The following EFHB variants were observed in gnomAD, a reference collection of about 807,000 sequenced individuals.
EFHB encodes EF-hand domain family member B.
EFHB carries 91 observed loss-of-function variants against 87.2 expected under a neutral mutation model. The ratio of observed to expected loss-of-function variants is 1.04; its 90% CI spans 0.88 to 1.24. The LOEUF (loss-of-function observed/expected upper bound fraction) is 1.24, where lower values mean the gene tolerates loss of function less well. Among genes scored for constraint, EFHB ranks in the 50% most tolerant of loss-of-function variants. EFHB has a pLI of 0.00. For synonymous variants in EFHB, 325 were observed against 333.6 expected (o/e 0.97, Z 0.28); for missense variants, 1,084 against 998.8 (o/e 1.09, Z -1.15).
At chr3:19,886,772 A>C (rs1694118463) in intron 10 of EFHB, among the ~76,000 whole-genome samples, 1 of 152,114 alleles carries the variant, frequency 6.6e-6, no homozygotes, top group Non-Finnish European at 1.5e-5. Context: ...GTTTGAAATA[A>C]CACTCAATGG....
chr3:19,900,956 T>C (rs80215170), intron 6 of EFHB, among the ~76,000 whole-genome samples: 2,580 of 151,628 alleles, frequency 0.017, 59 homozygotes, highest in African/African-American at 0.056. Flanking sequence ...AAAAGTTATA[T>C]GTATAAAAAA....
chr3:19,918,340 A>G lies in EFHB; in HGVS notation c.1069T>C (p.Tyr357His). Residue 357 changes from tyrosine (Y) to histidine (H), a missense_variant, in exon 4 of 13, where the codon TAT becomes CAT. Transcript: ENST00000295824. ...AATGGTGCTCGTCGATTGCTAAGAT[A>G]TATAGATTCTTTTTTATCTTTAATT... ...QKIKDKKESI[Y>H]LSNRRAPLGK... The G allele has an allele frequency of 6.2e-7, 1 of 1,612,476 alleles. No homozygotes were observed.
chr3:19,888,994 A>G (rs1386310), intron 9 of EFHB, among the ~76,000 whole-genome samples: 65,396 of 152,170 alleles, frequency 0.43, 15,445 homozygotes, highest in African/African-American at 0.63. Context: ...AGATAGTTGC[A>G]GGACAAGTTC....
chr3:19,928,684 A>G (rs1242856182), intron 1 of EFHB, among the ~76,000 whole-genome samples: 1 of 152,202 alleles, frequency 6.6e-6, no homozygotes, highest in Admixed American at 6.5e-5. Flanking sequence ...ACCTCAGGTG[A>G]TCTGTCTGCC....
At position 19,933,690 on chromosome 3, in the gene EFHB, C is replaced by T; in HGVS notation, c.329G>A (p.Gly110Glu). The change falls in exon 1 of 13, where the codon GGG becomes GAG. Residue 110 changes from glycine (G) to glutamate (E), a missense_variant. Coordinates refer to ENST00000295824, the MANE Select transcript of EFHB (RefSeq NM_144715.4). Reference sequence around the variant, plus strand: ...TGCAAGAAGACTCTCATTTTCTAACCCCATTCTTCCTGGCAACAGAGAAGG... The same window carrying T: ...TGCAAGAAGACTCTCATTTTCTAACTCCATTCTTCCTGGCAACAGAGAAGG... Reference protein sequence around the residue: ...TKPSLLPGRMGLENESLLAGY... With the variant: ...TKPSLLPGRMELENESLLAGY... The T allele has an allele frequency of 6.2e-7, 1 of 1,613,988 alleles. No individual in the cohort carries two copies. Among genetic ancestry groups the T allele is most frequent in the Non-Finnish European group, 8.5e-7 (1 of 1,179,898 alleles).
At chr3:19,940,957 A>G (rs1696144294) in intron 1 of EFHB, 1 of 322,566 alleles carries the variant, frequency 3.1e-6, no homozygotes, top group Non-Finnish European at 6.2e-6. Flanking sequence ...AGTCATGACT[A>G]CACCATCGGT....
upstream of EFHB, among the ~76,000 whole-genome samples, chr3:19,938,365 T>C (rs1696070910): frequency 6.6e-6 from 1 of 152,234 alleles, no homozygotes; most frequent in South Asian, 2.1e-4. Flanking sequence ...GGTTCACATA[T>C]TGAACTCTAG....
intron 1 of EFHB, chr3:19,942,561 G>A (rs191851687): frequency 6.6e-6 from 1 of 152,300 alleles, no homozygotes; most frequent in African/African-American, 2.4e-5. Context: ...TACATTTATT[G>A]TGCACTTTAT....
At chr3:19,905,430 C>G (rs1412626259) in intron 6 of EFHB, among the ~76,000 whole-genome samples, 190 bp downstream of exon 6, 1 of 151,688 alleles carries the variant, frequency 6.6e-6, no homozygotes, top group African/African-American at 2.4e-5. Flanking sequence ...TCATTTTTAC[C>G]TCTGTAGGAA....
At position 19,879,787 on chromosome 3, in the gene EFHB, A is replaced by T; in HGVS notation, c.2346T>A (p.Cys782Ter). The T allele has an allele frequency of 6.3e-7, 1 of 1,599,028 alleles. No homozygotes were observed. The highest frequency in any genetic ancestry group is 8.5e-7 in the Non-Finnish European group (1 of 1,175,276). The change falls in exon 13 of 13, where the codon TGT becomes TGA. Residue 782 changes from cysteine to a stop codon, truncating the protein, a stop_gained. Transcript: ENST00000295824. LOFTEE classifies it high-confidence loss of function. ...CATCAGACAGTTTGACACCAATGTT[A>T]CACAATATCTCTGCAATCTAGAAAA... ...RSKEEIAEIL[C>*]NIGVKLSDEE...
In EFHB at chr3:19,919,902, G is replaced by A. The variant is rs192099278; in HGVS notation, c.927C>T (p.Tyr309=). The change falls in exon 3 of 13, where the codon TAC becomes TAT. Residue 309 remains tyrosine, a synonymous_variant. Coordinates refer to ENST00000295824, the MANE Select transcript of EFHB (RefSeq NM_144715.4). ...YPPAGVERVF[Y]GRANDPQIAP... is the part of the protein sequence containing the mutation. ...CAATCTGGGGATCATTTGCTCTTCC[G>A]TAAAATACTCTTTCTACTCCAGCAG... 5.6e-6 allele frequency: 9 copies of A among 1,613,670 alleles called. No individual in the cohort carries two copies. The highest frequency in any genetic ancestry group is 3.3e-5 in the Admixed American group (2 of 60,016).
Position 19,916,434 on chromosome 3 carries a change from G to A in EFHB, c.1178-1021C>T, listed in dbSNP as rs185296656. ...GGGGGCTGAGGCAGGAGAATCGCTT[G>A]AACCTGGGAGGCAGAGGTTGCAGGG... On this transcript the variant is annotated intron_variant, in intron 4 of 12. Coordinates refer to ENST00000295824, the MANE Select transcript of EFHB (RefSeq NM_144715.4). Among the ~76,000 whole-genome samples, 61 of 152,122 alleles carry A rather than the reference G, an allele frequency of 4.0e-4. 1 individual carries two copies. In the East Asian group the frequency reaches 8.7e-3, roughly 22 times the overall value.
At chr3:19,907,727 TAAG>T (rs1454049298) in intron 5 of EFHB, among the ~76,000 whole-genome samples, 6 of 152,102 alleles carry the variant, frequency 3.9e-5, no homozygotes, top group African/African-American at 1.4e-4. Context: ...TATTTCGAGA[TAAG>T]AAAGTAGGAC....
At chr3:19,903,565 A>G (rs1456265550) in intron 6 of EFHB, among the ~76,000 whole-genome samples, 2 of 152,030 alleles carry the variant, frequency 1.3e-5, no homozygotes, top group African/African-American at 4.8e-5. Context: ...AACCATTTTA[A>G]TAATAATAAT....
At position 19,903,236 on chromosome 3, in the gene EFHB, C is replaced by T. The variant is rs1694731482; in HGVS notation, c.1418+2384G>A. On this transcript the variant is annotated intron_variant, in intron 6 of 12. Transcript: ENST00000295824. ...AAAACACTGTTCCATAAACAGTGTC[C>T]TCTTGGGAGTAGAGACAAGTTGGAG... Among the ~76,000 whole-genome samples the T allele has an allele frequency of 2.0e-5, 3 of 151,862 alleles. No individual in the cohort carries two copies. The South Asian group carries it at 6.2e-4, about 32-fold the overall frequency.
chr3:19,893,175 T>C (rs1694360357), intron 9 of EFHB, among the ~76,000 whole-genome samples: 1 of 152,100 alleles, frequency 6.6e-6, no homozygotes, highest in Non-Finnish European at 1.5e-5. Context: ...GGTCTCGAAC[T>C]CATGACCTCA....
At chr3:19,900,231 T>C (rs1694626494) in intron 6 of EFHB, among the ~76,000 whole-genome samples, 1 of 151,972 alleles carries the variant, frequency 6.6e-6, no homozygotes, top group Non-Finnish European at 1.5e-5. Flanking sequence ...CTGGGTAACA[T>C]AGTGAGATCC....
chr3:19,908,910 T>C (rs1419717881), intron 5 of EFHB, among the ~76,000 whole-genome samples: 2 of 152,060 alleles, frequency 1.3e-5, no homozygotes, highest in Admixed American at 6.6e-5. Context: ...ATTTAATGAT[T>C]AATGATTTAA....
chr3:19,933,247 T>C lies in EFHB; in HGVS notation c.772A>G (p.Thr258Ala), dbSNP rs137877818. ...AAACTTACACTTGGCCAGCAAGGGG[T>C]CCGATCAAAAAACTTCCCAGAGTAT... is the stretch of plus-strand genomic sequence containing the variant. ...PIYSGKFFDR[T>A]PCWPSAGKVI... is the part of the protein sequence containing the mutation. The change falls in exon 1 of 13, where the codon ACC becomes GCC. Residue 258 changes from threonine to alanine, a missense_variant. By Grantham distance (58) the Thr-to-Ala change is moderately conservative. Transcript: ENST00000295824. 67 of 1,612,906 alleles carry C rather than the reference T, an allele frequency of 4.2e-5. No homozygotes were observed. The African/African-American group carries it at 8.1e-4, about 20-fold the overall frequency.
Sources: gnomAD v4.1 joint callset for allele counts (sites outside exome capture counted in the v4.1 genomes callset) on GRCh38, gnomAD v4.1.1 for gene constraint, MANE v1.5 for transcripts, NCBI Gene and HGNC (gene_info 2026-07-23, HGNC 2026-07-21) for gene names.